The following COPS5 variants were observed in gnomAD, a reference collection of about 807,000 sequenced individuals.
COPS5 encodes the protein COP9 signalosome complex subunit 5.
Under a neutral mutation model 44.4 loss-of-function variants are expected in COPS5, and 8 were observed. That is an observed-to-expected ratio of 0.18 (90% CI 0.11 to 0.32). COPS5 has a LOEUF of 0.32. Ranked by LOEUF, COPS5 falls within the 10% of genes least tolerant of loss-of-function variation. COPS5 has a pLI of 1.00. For missense variants in COPS5, 159 were observed against 406.4 expected, an observed-to-expected ratio of 0.39 and a Z score of 5.23; for synonymous variants, 122 against 142.8, an observed-to-expected ratio of 0.85 and a Z score of 1.04.
intron 3 of COPS5, among the ~76,000 whole-genome samples, chr8:67,057,764 C>T (rs919766104): frequency 6.6e-6 from 1 of 152,192 alleles, no homozygotes; most frequent in Non-Finnish European, 1.5e-5. Context: ...GCACTTAAAA[C>T]ACCCTGAACA....
intron 5 of COPS5, among the ~76,000 whole-genome samples, chr8:67,055,650 G>A (rs565643835): frequency 2.4e-4 from 36 of 152,142 alleles, no homozygotes; most frequent in African/African-American, 7.0e-4. Context: ...GGTGGATCAC[G>A]AGGTCAGGAG....
intron 5 of COPS5, among the ~76,000 whole-genome samples, chr8:67,053,710 C>T (rs1216461779): frequency 8.2e-6 from 1 of 121,652 alleles, no homozygotes; most frequent in Non-Finnish European, 1.7e-5. Context: ...CACACACACA[C>T]AAAGAACATT....
At chr8:67,047,050 A>ATCACTTTT (rs1332081474) in intron 6 of COPS5, among the ~76,000 whole-genome samples, 1 of 152,138 alleles carries the variant, frequency 6.6e-6, no homozygotes, top group Non-Finnish European at 1.5e-5. Context: ...TTTATGGGGT[A>ATCACTTTT]TCACTTTTTA....
intron 2 of COPS5, among the ~76,000 whole-genome samples, chr8:67,058,987 G>C (rs1294319358): frequency 1.3e-5 from 2 of 149,716 alleles, no homozygotes; most frequent in East Asian, 2.0e-4. Flanking sequence ...CTGGGCAACA[G>C]AGTGAGTCCC....
At chr8:67,056,646 AAAAAAAATATATATATAT>A (rs1804506908) in intron 4 of COPS5, 42 bp from the exon 5 acceptor site, 5 of 96,338 alleles carry the variant, frequency 5.2e-5, no homozygotes, top group Admixed American at 1.7e-4. Context: ...GAAAAAAAAA[AAAAAAAATATATATATAT>A]ATATATATAT....
intron 1 of COPS5, chr8:67,060,073 T>A (rs554914700): frequency 1.2e-5 from 2 of 169,140 alleles, no homozygotes; most frequent in Non-Finnish European, 2.6e-5. Context: ...TTAACCCTAC[T>A]CTCAAAGAAC....
chr8:67,056,651 AAATATATATATATATATAT>A (rs1281020830), intron 4 of COPS5, 47 bp from the exon 5 acceptor site: 940 of 55,910 alleles, frequency 0.017, 148 homozygotes, highest in Admixed American at 0.021. Context: ...AAAAAAAAAA[AAATATATATATATATATAT>A]ATATATATAT....
In COPS5 at chr8:67,054,456, A is replaced by T. The variant is rs543219909; in HGVS notation, c.659+2063T>A. Among the ~76,000 whole-genome samples the T allele has an allele frequency of 2.6e-5, 4 of 152,306 alleles. No individual in the cohort carries two copies. In the South Asian group the frequency reaches 8.3e-4, roughly 32 times the overall value. On this transcript the variant is annotated intron_variant, in intron 5 of 7. Transcript: ENST00000357849. Reference sequence around the variant, plus strand: ...TAATAGGGCAAATTAAATAATTAACACTAAACTTCTATCTGAATATATATT... The same window carrying T: ...TAATAGGGCAAATTAAATAATTAACTCTAAACTTCTATCTGAATATATATT...
intron 4 of COPS5, among the ~76,000 whole-genome samples, chr8:67,057,145 G>T (rs766079032): frequency 6.6e-6 from 1 of 152,132 alleles, no homozygotes; most frequent in Non-Finnish European, 1.5e-5. Flanking sequence ...AATAACAAGA[G>T]ATATTGCTAA....
chr8:67,057,236 C>A (rs540971942), intron 4 of COPS5, 144 bp downstream of exon 4: 21 of 412,722 alleles, frequency 5.1e-5, no homozygotes, highest in Non-Finnish European at 8.2e-5. Flanking sequence ...GCATTCCTAC[C>A]GTCCCAGCTA....
At chr8:67,057,567 GAATA>G in intron 3 of COPS5, 122 bp from the exon 4 acceptor site, 1 of 536,748 alleles carries the variant, frequency 1.9e-6, no homozygotes, top group Non-Finnish European at 3.1e-6. Context: ...AACCAAATAA[GAATA>G]AACCAAAAAA....
intron 6 of COPS5, among the ~76,000 whole-genome samples, chr8:67,050,304 T>G (rs947845164): frequency 1.3e-5 from 2 of 151,968 alleles, no homozygotes; most frequent in African/African-American, 4.8e-5. Context: ...CCCGGCCTCT[T>G]TTTTTTTCTC....
chr8:67,057,431 T>C lies in COPS5; in HGVS notation c.522A>G (p.Arg174=), dbSNP rs765974215. ...GATTCACTTTCCCTGCGGATATTGTTCTTGTTGGATCAATCTATAAGAAAG... is the reference window on the plus strand; with the variant it reads ...GATTCACTTTCCCTGCGGATATTGTCCTTGTTGGATCAATCTATAAGAAAG... The part of the protein sequence containing the change: ...PFVAVVIDPT[R]TISAGKVNLG... Residue 174 remains arginine (R), a synonymous_variant, in exon 4 of 8, where the codon AGA becomes AGG. Transcript: ENST00000357849. The C allele has an allele frequency of 6.2e-7, 1 of 1,610,560 alleles. No homozygotes were observed. The highest frequency in any genetic ancestry group is 1.1e-5 in the South Asian group (1 of 90,754).
chr8:67,057,262 T>C, intron 4 of COPS5, 118 bp downstream of exon 4: 1 of 483,292 alleles, frequency 2.1e-6, no homozygotes, highest in Non-Finnish European at 3.6e-6. Flanking sequence ...GAGGCTGAGT[T>C]GGCTTGAGCC....
rs190502426 is a variant in COPS5 at position 67,058,847 on chromosome 8, T to C, written c.378+364A>G. On this transcript the variant is annotated intron_variant, in intron 2 of 7. Coordinates refer to ENST00000357849, the MANE Select transcript of COPS5 (RefSeq NM_006837.3). ...AGAGAAAACCCGTCTCTACTAAAAATAGAAAAATTATCCAGGCCTACTGGT... is the reference window on the plus strand; with the variant it reads ...AGAGAAAACCCGTCTCTACTAAAAACAGAAAAATTATCCAGGCCTACTGGT... Among the ~76,000 whole-genome samples, 14 of 151,948 alleles carry C rather than the reference T, an allele frequency of 9.2e-5. No individual in the cohort carries two copies. The South Asian group carries it at 1.5e-3, about 16-fold the overall frequency.
intron 5 of COPS5, among the ~76,000 whole-genome samples, chr8:67,051,850 T>G (rs968562453): frequency 2.0e-5 from 3 of 152,170 alleles, no homozygotes; most frequent in Non-Finnish European, 4.4e-5. Flanking sequence ...CTTTCAAAGG[T>G]GCCTAATTTA....
chr8:67,053,974 C>T (rs1804458327), intron 5 of COPS5, among the ~76,000 whole-genome samples: 1 of 150,612 alleles, frequency 6.6e-6, no homozygotes, highest in Non-Finnish European at 1.5e-5. Context: ...CCACTGCACT[C>T]CAGCCTGGGT....
chr8:67,047,264 A>G lies in COPS5; in HGVS notation c.772-1304T>C, dbSNP rs181811396. On this transcript the variant is annotated intron_variant, in intron 6 of 7. Coordinates refer to ENST00000357849, the MANE Select transcript of COPS5 (RefSeq NM_006837.3). ...ATTTGCTGCCATCACAGCTTACTAT[A>G]GGGGGCTCTTTAAAATGCTACCAGT... Among the ~76,000 whole-genome samples the G allele has an allele frequency of 5.9e-3, 906 of 152,328 alleles. 7 individuals are homozygous for G. Among genetic ancestry groups the G allele is most frequent in the Non-Finnish European group, 0.01 (711 of 68,032 alleles).
chr8:67,060,602 C>G (rs1804578093), intron 1 of COPS5: 2 of 787,234 alleles, frequency 2.5e-6, no homozygotes, highest in South Asian at 3.0e-5. Flanking sequence ...TTCTAGACGA[C>G]TCTTTTTATA....
Sources: allele counts gnomAD v4.1 joint callset (sites outside exome capture counted in the v4.1 genomes callset), GRCh38; gene constraint gnomAD v4.1.1; transcripts MANE v1.5; gene names NCBI Gene and HGNC (gene_info 2026-07-23, HGNC 2026-07-21).